SCAPER: variants seen among roughly 807,000 people sequenced by gnomAD.
SCAPER encodes the protein S phase cyclin A-associated protein in the endoplasmic reticulum.
In SCAPER, 98 loss-of-function variants were observed where a neutral mutation model predicts 182.2. The observed-to-expected ratio is 0.54, with a 90% confidence interval of 0.46 to 0.64. The LOEUF (loss-of-function observed/expected upper bound fraction) is 0.64. Among genes scored for constraint, SCAPER ranks in the 30% least tolerant of loss-of-function variants. The probability of loss-of-function intolerance (pLI) is 0.00; values close to 1 mark genes in which losing one functional copy is unlikely to be tolerated. For missense variants in SCAPER, 1,432 were observed against 1,690.0 expected (o/e 0.85, Z 2.68); for synonymous variants, 605 against 564.6 (o/e 1.07, Z -1.01).
chr15:76,567,591 A>C (rs1328401361), intron 23 of SCAPER, among the ~76,000 whole-genome samples: 1 of 152,190 alleles, frequency 6.6e-6, no homozygotes, highest in Non-Finnish European at 1.5e-5. Context: ...TCACATTATC[A>C]CATTGAATTT....
chr15:76,689,193 T>C (rs1205376367), intron 20 of SCAPER, among the ~76,000 whole-genome samples: 2 of 151,822 alleles, frequency 1.3e-5, no homozygotes, highest in Non-Finnish European at 2.9e-5. Flanking sequence ...AATCAAACTG[T>C]CCTCAATTAA....
intron 24 of SCAPER, among the ~76,000 whole-genome samples, chr15:76,483,747 G>C (rs1468649501): frequency 6.6e-6 from 1 of 152,048 alleles, no homozygotes; most frequent in Non-Finnish European, 1.5e-5. Context: ...CATAGAAAAA[G>C]ATGTTCAATG....
intron 22 of SCAPER, among the ~76,000 whole-genome samples, chr15:76,592,074 T>C (rs527738538): frequency 6.6e-6 from 1 of 151,666 alleles, no homozygotes; most frequent in Non-Finnish European, 1.5e-5. Flanking sequence ...AAAATGTATA[T>C]CTATCTATCT....
chr15:76,693,200 C>T (rs982681871), intron 20 of SCAPER, among the ~76,000 whole-genome samples: 1 of 152,072 alleles, frequency 6.6e-6, no homozygotes, highest in African/African-American at 2.4e-5. Flanking sequence ...AAACTAGATC[C>T]TTTCCTAGAA....
intron 14 of SCAPER, among the ~76,000 whole-genome samples, chr15:76,763,594 A>T (rs367758721): frequency 7.2e-5 from 11 of 151,794 alleles, no homozygotes; most frequent in African/African-American, 2.2e-4. Context: ...AATCCCTATA[A>T]TGCATATATT....
intron 20 of SCAPER, among the ~76,000 whole-genome samples, chr15:76,681,370 C>T (rs1438322937): frequency 6.6e-6 from 1 of 152,118 alleles, no homozygotes; most frequent in African/African-American, 2.4e-5. Context: ...TACTATAAGA[C>T]TAGTTTAACA....
At chr15:76,560,269 G>A (rs934022433) in intron 23 of SCAPER, among the ~76,000 whole-genome samples, 1 of 152,084 alleles carries the variant, frequency 6.6e-6, no homozygotes, top group African/African-American at 2.4e-5. Flanking sequence ...ACTTTTCAAA[G>A]GAAGAAACTG....
chr15:76,382,891 G>T (rs2043042849), intron 27 of SCAPER, among the ~76,000 whole-genome samples: 1 of 152,018 alleles, frequency 6.6e-6, no homozygotes, highest in South Asian at 2.1e-4. Context: ...GTATCTTATT[G>T]CTCTTTCTTC....
chr15:76,681,388 A>C (rs1273334463), intron 20 of SCAPER, among the ~76,000 whole-genome samples: 1 of 152,196 alleles, frequency 6.6e-6, no homozygotes, highest in Non-Finnish European at 1.5e-5. Flanking sequence ...ACAGAAGAAA[A>C]TCCAGGCACA....
At chr15:76,816,146 C>G (rs1458089576) in intron 5 of SCAPER, among the ~76,000 whole-genome samples, 1 of 152,142 alleles carries the variant, frequency 6.6e-6, no homozygotes, top group Non-Finnish European at 1.5e-5. Context: ...ACTTTATAAA[C>G]TACATATTTA....
At chr15:76,855,738 G>A (rs994558390) in intron 4 of SCAPER, 35 of 260,966 alleles carry the variant, frequency 1.3e-4, no homozygotes, top group African/African-American at 4.0e-4. Flanking sequence ...CACACCAGTC[G>A]GAATGGCTAT....
At chr15:76,891,693 T>C (rs889643978) in intron 1 of SCAPER, among the ~76,000 whole-genome samples, 4 of 152,212 alleles carry the variant, frequency 2.6e-5, no homozygotes, top group Non-Finnish European at 5.9e-5. Context: ...GAATATTCCA[T>C]GCTCATGGAT....
At position 76,428,866 on chromosome 15, in the gene SCAPER, C is replaced by CTATATATATATATATATATATATATATA. The variant is rs375991391; in HGVS notation, c.3311+5184_3311+5211dup. Among the ~76,000 whole-genome samples the CTATATATATATATATATATATATATATA allele has an allele frequency of 2.3e-3, 181 of 79,800 alleles. 9 individuals carry two copies. The highest frequency in any genetic ancestry group is 2.5e-3 in the Non-Finnish European group (109 of 42,940). 52.4% of individuals were successfully genotyped at this position (79,800 alleles called of 152,430 possible). A position where few individuals can be genotyped will look rare whatever the true frequency, so the allele number is the denominator to read the frequency against. On this transcript the variant is annotated intron_variant, in intron 26 of 31. Transcript: ENST00000563290. ...TAGGTATCCTGATCAGATCATTATA[C>CTATATATATATATATATATATATATATA]TATATATATATATATATATATATAT...
chr15:76,356,432 A>G lies in SCAPER; in HGVS notation c.3856-2292T>C, dbSNP rs143417259. On this transcript the variant is annotated intron_variant, in intron 29 of 31. Coordinates refer to ENST00000563290, the MANE Select transcript of SCAPER (RefSeq NM_020843.4). ...GGGCTCAGTTTTATTTCATCCCACC[A>G]TTCACTCTTAGGCCTTAGGTGGTAA... is the stretch of plus-strand genomic sequence containing the variant. 3.5e-4 allele frequency among the ~76,000 whole-genome samples: 53 copies of G among 152,174 alleles called. 2 individuals are homozygous for G. In the East Asian group the frequency reaches 6.8e-3, roughly 19 times the overall value.
Position 76,434,270 on chromosome 15 carries a change from T to C in SCAPER, c.3119A>G (p.Asn1040Ser). ...GCCTTCAAAAACTTGTTTATTTGTATTTCTCCCCAAAATAGTATTATTTTC... is the reference window on the plus strand; with the variant it reads ...GCCTTCAAAAACTTGTTTATTTGTACTTCTCCCCAAAATAGTATTATTTTC... ...PDENNTILGR[N>S]TNKQVFEGLT... The change falls in exon 26 of 32, where the codon AAT becomes AGT. Residue 1040 changes from asparagine to serine, a missense_variant. Physicochemically the swap from Asn to Ser is conservative, Grantham distance 46 (BLOSUM62 1). Around this residue, in one of 5 missense-constraint regions of SCAPER, gnomAD observed 718 missense variants for 799.7 expected, o/e 0.90. Coordinates refer to ENST00000563290, the MANE Select transcript of SCAPER (RefSeq NM_020843.4). 1 of 1,613,486 alleles carries C rather than the reference T, an allele frequency of 6.2e-7. No individual in the cohort carries two copies. The highest frequency in any genetic ancestry group is 8.5e-7 in the Non-Finnish European group (1 of 1,179,640).
At chr15:76,672,374 A>C (rs922527081) in intron 20 of SCAPER, among the ~76,000 whole-genome samples, 1 of 152,222 alleles carries the variant, frequency 6.6e-6, no homozygotes, top group Non-Finnish European at 1.5e-5. Context: ...GCTGAATAGC[A>C]ACCTTACAAA....
chr15:76,472,294 A>C lies in SCAPER; in HGVS notation c.2955-959T>G, dbSNP rs1433795732. On this transcript the variant is annotated intron_variant, in intron 24 of 31. Coordinates refer to ENST00000563290, the MANE Select transcript of SCAPER (RefSeq NM_020843.4). ...AATGCTGACACTGGCAGGGAGGGGA[A>C]TAACCCTGCAGAAAATGAAGATGCC... The C allele has an allele frequency of 2.3e-5, 15 of 639,272 alleles. No homozygotes were observed. The East Asian group carries it at 4.5e-4, about 19-fold the overall frequency. 39.6% of individuals were successfully genotyped at this position (639,272 alleles called of 1,614,324 possible).
At chr15:76,366,086 T>TACACACACACACAC (rs59741618) in intron 29 of SCAPER, among the ~76,000 whole-genome samples, 20 of 149,540 alleles carry the variant, frequency 1.3e-4, no homozygotes, top group African/African-American at 4.7e-4. Flanking sequence ...CTTACACACT[T>TACACACACACACAC]ACACACACAC....
At chr15:76,484,644 C>A (rs1035048605) in intron 24 of SCAPER, among the ~76,000 whole-genome samples, 1 of 151,772 alleles carries the variant, frequency 6.6e-6, no homozygotes, top group African/African-American at 2.4e-5. Context: ...TTCTATGAGG[C>A]GAGCATCACC....
Sources: allele counts gnomAD v4.1 joint callset (sites outside exome capture counted in the v4.1 genomes callset), GRCh38; gene constraint gnomAD v4.1.1; regional missense constraint gnomAD v4.1.1; transcripts MANE v1.5; gene names NCBI Gene and HGNC (gene_info 2026-07-23, HGNC 2026-07-21).